The following DSCAM variants were observed in gnomAD, a reference collection of about 807,000 sequenced individuals.
DSCAM encodes cell adhesion molecule DSCAM.
Under a neutral mutation model 217.7 loss-of-function variants are expected in DSCAM, and 47 were observed. The ratio of observed to expected loss-of-function variants is 0.22; its 90% CI spans 0.17 to 0.28. The LOEUF (loss-of-function observed/expected upper bound fraction) is 0.28, where lower values mean the gene tolerates loss of function less well. Ranked by LOEUF, DSCAM falls within the 10% of genes least tolerant of loss-of-function variation. The pLI is 1.00. For missense variants in DSCAM, 2,080 were observed against 2,618.3 expected, an observed-to-expected ratio of 0.79 and a Z score of 4.49; for synonymous variants, 1,056 against 1,015.3, an observed-to-expected ratio of 1.04 and a Z score of -0.76.
intron 3 of DSCAM, among the ~76,000 whole-genome samples, chr21:40,450,777 A>T (rs894953135): frequency 6.6e-6 from 1 of 152,208 alleles, no homozygotes; most frequent in Non-Finnish European, 1.5e-5. Flanking sequence ...TTAATGACAG[A>T]CATTACTATA....
rs368121158 is a variant in DSCAM at position 40,531,820 on chromosome 21, A to G, written c.508+160990T>C. Among the ~76,000 whole-genome samples the G allele has an allele frequency of 4.8e-4, 73 of 152,302 alleles. 1 individual carries two copies. The South Asian group carries it at 0.014, about 30-fold the overall frequency. On this transcript the variant is annotated intron_variant, in intron 3 of 32. Transcript: ENST00000400454. The stretch of plus-strand genomic sequence containing the variant: ...ATTCAATTAAACTGATAAATCAGCA[A>G]CCAGTGATATTTGGCAGGTTCTGCA...
At chr21:40,764,479 G>T (rs1271867017) in intron 1 of DSCAM, among the ~76,000 whole-genome samples, 1 of 152,166 alleles carries the variant, frequency 6.6e-6, no homozygotes, top group Admixed American at 6.5e-5. Context: ...CAGAGAAATA[G>T]GAACACTTTC....
chr21:40,749,781 A>T (rs1181077715), intron 1 of DSCAM, among the ~76,000 whole-genome samples: 1 of 152,112 alleles, frequency 6.6e-6, no homozygotes, highest in Non-Finnish European at 1.5e-5. Context: ...CTCCATGTTT[A>T]CTCCAGCGCT....
chr21:40,397,337 TTGCTC>T (rs527301012), intron 3 of DSCAM, among the ~76,000 whole-genome samples: 344 of 152,116 alleles, frequency 2.3e-3, no homozygotes, highest in African/African-American at 7.9e-3. Flanking sequence ...GAGTGTGCTC[TTGCTC>T]TGAGTTCACA....
chr21:40,331,607 C>T (rs1238037077), intron 8 of DSCAM, among the ~76,000 whole-genome samples: 1 of 152,110 alleles, frequency 6.6e-6, no homozygotes, highest in Admixed American at 6.5e-5. Context: ...AAAGTACCAC[C>T]AACACAAGAG....
At chr21:40,198,488 C>T (rs1207906329) in intron 11 of DSCAM, among the ~76,000 whole-genome samples, 1 of 152,164 alleles carries the variant, frequency 6.6e-6, no homozygotes, top group Non-Finnish European at 1.5e-5. Context: ...AGGCCTCTCT[C>T]AGTCGAATAG....
rs576821774 is a variant in DSCAM at position 40,457,484 on chromosome 21, C to A, written c.509-88239G>T. 5.3e-5 allele frequency among the ~76,000 whole-genome samples: 8 copies of A among 152,044 alleles called. 1 individual carries two copies. In the South Asian group the frequency reaches 1.5e-3, roughly 28 times the overall value. ...CCACAGTTGCACCACGGCACCCCAGCCTGGGGGACAGAGAAAGACCCTGTC... is the reference window on the plus strand; with the variant it reads ...CCACAGTTGCACCACGGCACCCCAGACTGGGGGACAGAGAAAGACCCTGTC... On this transcript the variant is annotated intron_variant, in intron 3 of 32. Transcript: ENST00000400454.
chr21:40,298,084 C>CTTTTTTTTTTT (rs59908038), intron 9 of DSCAM, among the ~76,000 whole-genome samples: 2 of 132,682 alleles, frequency 1.5e-5, no homozygotes, highest in African/African-American at 5.9e-5. Flanking sequence ...TTAGCTTTTA[C>CTTTTTTTTTTT]TTTTTTTTTT....
intron 11 of DSCAM, among the ~76,000 whole-genome samples, chr21:40,228,120 G>A (rs79963229): frequency 1.3e-3 from 197 of 152,188 alleles, no homozygotes; most frequent in African/African-American, 4.5e-3. Context: ...GGCAAACTAC[G>A]GAGGTAAAGT....
chr21:40,599,220 T>C (rs569798157), intron 3 of DSCAM, among the ~76,000 whole-genome samples: 41 of 152,284 alleles, frequency 2.7e-4, no homozygotes, highest in East Asian at 2.1e-3. Flanking sequence ...TTATTATTAT[T>C]TTACTTTAAG....
At chr21:40,536,471 G>A (rs1169970610) in intron 3 of DSCAM, among the ~76,000 whole-genome samples, 7 of 147,556 alleles carry the variant, frequency 4.7e-5, no homozygotes, top group Admixed American at 6.9e-5. Flanking sequence ...GCGCCATCTC[G>A]GCTCACTGCA....
intron 3 of DSCAM, among the ~76,000 whole-genome samples, chr21:40,563,970 G>A (rs2076746435): frequency 6.6e-6 from 1 of 152,202 alleles, no homozygotes; most frequent in Admixed American, 6.5e-5. Flanking sequence ...GAGGCAGAGT[G>A]AGAGCAGAGC....
chr21:40,755,183 C>T (rs1413669373), intron 1 of DSCAM, among the ~76,000 whole-genome samples: 2 of 152,158 alleles, frequency 1.3e-5, no homozygotes, highest in African/African-American at 4.8e-5. Flanking sequence ...TACGGTGGCT[C>T]ATGCCTGTAA....
intron 3 of DSCAM, among the ~76,000 whole-genome samples, chr21:40,675,574 T>C (rs923116065): frequency 2.6e-5 from 4 of 152,174 alleles, no homozygotes; most frequent in African/African-American, 9.7e-5. Context: ...TAAAGAAAAA[T>C]AAGTCCAATT....
chr21:40,744,234 C>T (rs2091152508), intron 1 of DSCAM, among the ~76,000 whole-genome samples: 1 of 152,268 alleles, frequency 6.6e-6, no homozygotes. Flanking sequence ...GAGGGCTGAA[C>T]TACCTGGGGT....
chr21:40,075,225 G>T lies in DSCAM; in HGVS notation c.4712-12C>A. On this transcript the variant is annotated splice_polypyrimidine_tract_variant and intron_variant, in intron 26 of 32. Transcript: ENST00000400454. ...TGGAGGAATTGTACCTGAAAGCAGGGCCACGGTGTTAGATGGCTATTAATG... is the reference window on the plus strand; with the variant it reads ...TGGAGGAATTGTACCTGAAAGCAGGTCCACGGTGTTAGATGGCTATTAATG... 3 of 1,614,110 alleles carry T rather than the reference G, an allele frequency of 1.9e-6. No individual in the cohort carries two copies. The highest frequency in any genetic ancestry group is 2.5e-6 in the Non-Finnish European group (3 of 1,179,972).
intron 3 of DSCAM, among the ~76,000 whole-genome samples, chr21:40,595,213 C>T (rs79180364): frequency 4.0e-5 from 6 of 151,762 alleles, no homozygotes; most frequent in Non-Finnish European, 8.8e-5. Context: ...CCCCGTCTCT[C>T]CAAAAAATAC....
At chr21:40,435,614 C>G (rs948679875) in intron 3 of DSCAM, among the ~76,000 whole-genome samples, 1 of 149,844 alleles carries the variant, frequency 6.7e-6, no homozygotes, top group African/African-American at 2.4e-5. Context: ...TCCAATTGCT[C>G]TTGTACTGTT....
intron 15 of DSCAM, among the ~76,000 whole-genome samples, chr21:40,173,880 G>T (rs535763798): frequency 5.9e-5 from 9 of 152,302 alleles, no homozygotes; most frequent in African/African-American, 2.2e-4. Context: ...ATTCAGTGGT[G>T]TTTCAATGAG....
Sources: allele counts gnomAD v4.1 joint callset (sites outside exome capture counted in the v4.1 genomes callset), GRCh38; gene constraint gnomAD v4.1.1; transcripts MANE v1.5; gene names NCBI Gene and HGNC (gene_info 2026-07-23, HGNC 2026-07-21).